Variants in CLGN observed in about 807,000 individuals in gnomAD.
CLGN encodes the protein calmegin.
CLGN carries 62 observed loss-of-function variants against 79.1 expected under a neutral mutation model. That is an observed-to-expected ratio of 0.78 (90% CI 0.64 to 0.97). CLGN has a LOEUF of 0.97. CLGN is among the 50% of genes least tolerant of loss of function. The pLI, the probability that CLGN is intolerant of heterozygous loss-of-function variation, is 0.00. For synonymous variants in CLGN, 225 were observed against 224.7 expected (o/e 1.00, Z -0.01); for missense variants, 647 against 715.5 (o/e 0.90, Z 1.09).
At chr4:140,412,265 C>T (rs888262004) in intron 2 of CLGN, among the ~76,000 whole-genome samples, 2 of 152,118 alleles carry the variant, frequency 1.3e-5, no homozygotes, top group East Asian at 3.8e-4. Context: ...TTCCCTTCGG[C>T]CCTTCAAACA....
intron 1 of CLGN, among the ~76,000 whole-genome samples, chr4:140,420,242 C>T (rs1455129812): frequency 2.0e-5 from 3 of 152,224 alleles, no homozygotes; most frequent in Middle Eastern, 3.4e-3. Flanking sequence ...CTTAACTCAA[C>T]CAGAGCACCC....
chr4:140,392,636 C>A lies in CLGN; in HGVS notation c.1441G>T (p.Gly481Ter). 6.2e-7 allele frequency: 1 copy of A among 1,611,146 alleles called. No individual in the cohort carries two copies. Among genetic ancestry groups the A allele is most frequent in the Non-Finnish European group, 8.5e-7 (1 of 1,178,886 alleles). ...GAAGTAATTAATGCTATTGGCACTC[C>A]TGCTGTCACAAGATAAATCAACCAA... ...WLWLIYLVTA[G>*]VPIALITSFC... is the part of the protein sequence containing the mutation. Residue 481 changes from glycine (G) to a stop codon, truncating the protein, a stop_gained, in exon 12 of 15, where the codon GGA becomes TGA. Transcript: ENST00000325617. LOFTEE classifies it high-confidence loss of function.
chr4:140,408,860 CATATATATAT>C (rs112593782), intron 4 of CLGN, among the ~76,000 whole-genome samples: 5 of 138,408 alleles, frequency 3.6e-5, no homozygotes, highest in Admixed American at 1.5e-4. Flanking sequence ...AGTTGATAAG[CATATATATAT>C]ATATATATAT....
At chr4:140,423,114 C>A (rs2126635919) in intron 1 of CLGN, among the ~76,000 whole-genome samples, 1 of 152,186 alleles carries the variant, frequency 6.6e-6, no homozygotes, top group South Asian at 2.1e-4. Context: ...TTGTCTTATT[C>A]TAGATCTTAA....
intron 14 of CLGN, 149 bp downstream of exon 14, chr4:140,390,479 A>G (rs1728752298): frequency 2.3e-6 from 1 of 434,280 alleles, no homozygotes; most frequent in Non-Finnish European, 4.1e-6. Context: ...TTCCTTCCTT[A>G]TGGATATGTT....
At chr4:140,416,415 T>A (rs1241677531) in intron 1 of CLGN, among the ~76,000 whole-genome samples, 3 of 147,838 alleles carry the variant, frequency 2.0e-5, no homozygotes, top group Admixed American at 2.0e-4. Context: ...ATCCAGGAGC[T>A]GGTTTTTTGA....
At chr4:140,407,359 A>G (rs1729127770) in intron 4 of CLGN, among the ~76,000 whole-genome samples, 1 of 152,164 alleles carries the variant, frequency 6.6e-6, no homozygotes, top group Admixed American at 6.5e-5. Flanking sequence ...AATAAAGGAC[A>G]TACAAATTGG....
At chr4:140,392,001 C>T (rs1246216665) in intron 13 of CLGN, among the ~76,000 whole-genome samples, 1 of 151,910 alleles carries the variant, frequency 6.6e-6, no homozygotes, top group African/African-American at 2.4e-5. Flanking sequence ...AGCAACTGAA[C>T]ACTATTTAAA....
chr4:140,412,353 C>T (rs751968716), intron 2 of CLGN, among the ~76,000 whole-genome samples: 10 of 152,084 alleles, frequency 6.6e-5, no homozygotes, highest in Non-Finnish European at 1.3e-4. Context: ...TATGAATATT[C>T]CTCAATGTAA....
At chr4:140,399,345 C>G (rs1160939449) in intron 7 of CLGN, among the ~76,000 whole-genome samples, 1 of 152,170 alleles carries the variant, frequency 6.6e-6, no homozygotes, top group African/African-American at 2.4e-5. Context: ...TTTATAGTTA[C>G]AAAATACAAG....
chr4:140,414,085 G>T (rs1036164554), intron 1 of CLGN, among the ~76,000 whole-genome samples: 3 of 152,216 alleles, frequency 2.0e-5, no homozygotes, highest in African/African-American at 7.2e-5. Flanking sequence ...CCCCAGCAGG[G>T]GCACACTGAC....
intron 10 of CLGN, among the ~76,000 whole-genome samples, chr4:140,394,782 C>T (rs145279846): frequency 2.0e-5 from 3 of 152,252 alleles, no homozygotes; most frequent in African/African-American, 7.2e-5. Context: ...AATGTTAGAA[C>T]GTATCCATAA....
chr4:140,404,780 G>T, intron 5 of CLGN, among the ~76,000 whole-genome samples: 1 of 151,874 alleles, frequency 6.6e-6, no homozygotes, highest in Non-Finnish European at 1.5e-5. Context: ...TCAGCCTCCA[G>T]AGTAGCTGGG....
intron 1 of CLGN, among the ~76,000 whole-genome samples, chr4:140,419,948 C>T (rs1729432004): frequency 6.6e-6 from 1 of 152,092 alleles, no homozygotes; most frequent in Non-Finnish European, 1.5e-5. Flanking sequence ...TTCTAAAAGC[C>T]TAAGGGCCTT....
intron 1 of CLGN, among the ~76,000 whole-genome samples, chr4:140,417,881 C>A (rs1456616723): frequency 6.6e-6 from 1 of 151,586 alleles, no homozygotes; most frequent in Non-Finnish European, 1.5e-5. Flanking sequence ...CAAAAAAGAG[C>A]CCGCATCGCC....
At chr4:140,395,167 G>GT (rs34598960) in intron 10 of CLGN, among the ~76,000 whole-genome samples, 25 of 150,390 alleles carry the variant, frequency 1.7e-4, no homozygotes, top group Non-Finnish European at 2.1e-4. Context: ...TTGTTTTTTT[G>GT]TTTTGAGTCT....
intron 1 of CLGN, among the ~76,000 whole-genome samples, chr4:140,416,599 G>C (rs1050486067): frequency 3.3e-5 from 5 of 149,950 alleles, no homozygotes; most frequent in Admixed American, 1.3e-4. Flanking sequence ...AGAAAATCTA[G>C]AAGAAATGGA....
chr4:140,418,527 C>A lies in CLGN; in HGVS notation c.-9-5440G>T, dbSNP rs953946534. ...ACAAGAAAAAAACAAACAACCCCAT[C>A]AAAAAGTGGGCGAAGGACATGAACA... On this transcript the variant is annotated intron_variant, in intron 1 of 14. Coordinates refer to ENST00000325617, the MANE Select transcript of CLGN (RefSeq NM_004362.3). Among the ~76,000 whole-genome samples the A allele has an allele frequency of 3.9e-4, 58 of 146,908 alleles. 1 individual carries two copies. Among genetic ancestry groups the A allele is most frequent in the African/African-American group, 1.5e-3 (56 of 38,586 alleles).
At chr4:140,418,930 A>G (rs1443390540) in intron 1 of CLGN, among the ~76,000 whole-genome samples, 1 of 152,228 alleles carries the variant, frequency 6.6e-6, no homozygotes, top group Admixed American at 6.5e-5. Flanking sequence ...ATTATTCACA[A>G]TAGCAAAGAC....
Sources: allele counts gnomAD v4.1 joint callset (sites outside exome capture counted in the v4.1 genomes callset), GRCh38; gene constraint gnomAD v4.1.1; transcripts MANE v1.5; gene names NCBI Gene and HGNC (gene_info 2026-07-23, HGNC 2026-07-21).